PPFIA2: variants seen among roughly 807,000 people sequenced by gnomAD.
PPFIA2 encodes liprin-alpha-2.
Under a neutral mutation model 175.5 loss-of-function variants are expected in PPFIA2, and 46 were observed. The observed-to-expected ratio is 0.26, with a 90% CI of 0.21 to 0.34. PPFIA2 has a LOEUF of 0.34. Among genes scored for constraint, PPFIA2 ranks in the 10% least tolerant of loss-of-function variants. The probability of loss-of-function intolerance (pLI) is 1.00; values close to 1 mark genes in which losing one functional copy is unlikely to be tolerated. For synonymous variants in PPFIA2, 568 were observed against 511.4 expected (o/e 1.11, Z -1.49); for missense variants, 1,179 against 1,506.1 (o/e 0.78, Z 3.60).
intron 17 of PPFIA2, among the ~76,000 whole-genome samples, chr12:81,348,269 A>G (rs962460664): frequency 4.6e-5 from 7 of 152,186 alleles, no homozygotes; most frequent in African/African-American, 7.2e-5. Context: ...AAAAGTTTAA[A>G]TGATAGTATC....
chr12:81,267,079 G>T, intron 29 of PPFIA2, 59 bp from the exon 30 acceptor site: 2 of 1,264,874 alleles, frequency 1.6e-6, no homozygotes, highest in Non-Finnish European at 1.1e-6. Context: ...TAAAAATCAA[G>T]TAGCTTATAT....
At chr12:81,754,398 C>T (rs1045364402) in intron 2 of PPFIA2, among the ~76,000 whole-genome samples, 175 bp from the exon 3 acceptor site, 3 of 152,152 alleles carry the variant, frequency 2.0e-5, no homozygotes, top group Admixed American at 1.3e-4. Context: ...AAATATGATC[C>T]ATTTACTTCC....
At chr12:81,560,059 T>C (rs1594940538) in intron 4 of PPFIA2, among the ~76,000 whole-genome samples, 1 of 152,184 alleles carries the variant, frequency 6.6e-6, no homozygotes, top group Non-Finnish European at 1.5e-5. Flanking sequence ...TCTTTTAAAC[T>C]GAGGTTTGAA....
intron 4 of PPFIA2, among the ~76,000 whole-genome samples, chr12:81,662,206 G>A (rs1192780498): frequency 6.6e-6 from 1 of 152,124 alleles, no homozygotes; most frequent in Non-Finnish European, 1.5e-5. Context: ...GATAAGAGCA[G>A]AACTGAAGGA....
At chr12:81,575,277 G>A (rs748823482) in intron 4 of PPFIA2, among the ~76,000 whole-genome samples, 9 of 151,744 alleles carry the variant, frequency 5.9e-5, no homozygotes, top group African/African-American at 1.2e-4. Flanking sequence ...GAATGTAATC[G>A]TTCCACCAAA....
chr12:81,334,369 T>C lies in PPFIA2; in HGVS notation c.2548+4811A>G, dbSNP rs2140127852. ...CTCGATGCCGATAGCCATGTCTTAG[T>C]CATTTTCCTAAAGTCCATAATTGGT... On this transcript the variant is annotated intron_variant, in intron 21 of 32. Transcript: ENST00000549396. Among the ~76,000 whole-genome samples the C allele has an allele frequency of 2.0e-5, 3 of 152,310 alleles. No individual in the cohort carries two copies. The South Asian group carries it at 6.2e-4, about 32-fold the overall frequency.
At chr12:81,713,672 C>T (rs1001442386) in intron 3 of PPFIA2, among the ~76,000 whole-genome samples, 1 of 151,086 alleles carries the variant, frequency 6.6e-6, no homozygotes, top group Admixed American at 6.8e-5. Context: ...AGTGGTGTCT[C>T]ATAGGCTTGC....
chr12:81,445,435 A>C (rs1159861008), intron 6 of PPFIA2, 121 bp downstream of exon 6: 5 of 871,350 alleles, frequency 5.7e-6, no homozygotes, highest in Admixed American at 2.9e-5. Context: ...TTTTCATATA[A>C]CTCAAAAGTG....
intron 6 of PPFIA2, among the ~76,000 whole-genome samples, chr12:81,443,240 T>G (rs951827652): frequency 3.3e-5 from 5 of 152,038 alleles, no homozygotes; most frequent in Non-Finnish European, 7.4e-5. Context: ...AGGATTATCT[T>G]AATTCAAGAT....
rs2065347111 is a variant in PPFIA2, at chr12:81,642,741, G to GTA, written c.303+34048_303+34049dup. Among the ~76,000 whole-genome samples the GTA allele has an allele frequency of 3.5e-5, 2 of 56,608 alleles. 1 individual carries two copies. The highest frequency in any genetic ancestry group is 1.0e-4 in the African/African-American group (2 of 20,070). The allele number at this position is 56,608 out of a possible 152,430, so 37.1% of individuals were successfully genotyped here. The stretch of plus-strand genomic sequence containing the variant: ...ATTATATACATACATGTATATGTAT[G>GTA]TATGTATTATATACATACATGTATA... On this transcript the variant is annotated intron_variant, in intron 4 of 32. Transcript: ENST00000549396.
chr12:81,363,156 T>C (rs1001618364), intron 14 of PPFIA2, among the ~76,000 whole-genome samples: 3 of 151,568 alleles, frequency 2.0e-5, no homozygotes, highest in Non-Finnish European at 4.4e-5. Flanking sequence ...CATTATTCTA[T>C]GAGGGTTAAA....
chr12:81,382,020 G>A (rs1336435402), intron 9 of PPFIA2, among the ~76,000 whole-genome samples: 2 of 152,062 alleles, frequency 1.3e-5, no homozygotes, highest in Non-Finnish European at 2.9e-5. Flanking sequence ...AGTTGGGGTG[G>A]GAGGCATATG....
intron 7 of PPFIA2, among the ~76,000 whole-genome samples, chr12:81,429,240 G>T (rs1410287710): frequency 6.6e-6 from 1 of 151,978 alleles, no homozygotes; most frequent in African/African-American, 2.4e-5. Context: ...CAGAACTGAG[G>T]AAGAGATAGA....
At chr12:81,557,320 T>G (rs760287902) in intron 4 of PPFIA2, among the ~76,000 whole-genome samples, 2 of 151,944 alleles carry the variant, frequency 1.3e-5, no homozygotes, top group Non-Finnish European at 2.9e-5. Context: ...GACTGAACTC[T>G]GTGGGTGGAG....
chr12:81,579,058 C>A (rs186618175), intron 4 of PPFIA2, among the ~76,000 whole-genome samples: 1 of 151,728 alleles, frequency 6.6e-6, no homozygotes, highest in Non-Finnish European at 1.5e-5. Flanking sequence ...TGAAAAAAAT[C>A]ATGAGACAAG....
chr12:81,415,391 C>G (rs1270898098), intron 7 of PPFIA2, among the ~76,000 whole-genome samples: 1 of 147,924 alleles, frequency 6.8e-6, no homozygotes, highest in Non-Finnish European at 1.5e-5. Flanking sequence ...CTCCCAATTC[C>G]TATACAGATA....
At chr12:81,540,734 T>A (rs1425956769) in intron 4 of PPFIA2, among the ~76,000 whole-genome samples, 1 of 152,050 alleles carries the variant, frequency 6.6e-6, no homozygotes, top group Admixed American at 6.6e-5. Context: ...ATTAAGTATC[T>A]ATACTCAAAT....
intron 4 of PPFIA2, chr12:81,535,548 T>C (rs2065250024): frequency 2.3e-6 from 1 of 443,772 alleles, no homozygotes; most frequent in Non-Finnish European, 4.5e-6. Flanking sequence ...AACACAAAAA[T>C]ACATACATTT....
chr12:81,731,529 G>A (rs573950945), intron 3 of PPFIA2, among the ~76,000 whole-genome samples: 1 of 151,606 alleles, frequency 6.6e-6, no homozygotes, highest in Non-Finnish European at 1.5e-5. Context: ...GAGCCTTACT[G>A]TGCTTATATC....
Sources: allele counts gnomAD v4.1 joint callset (sites outside exome capture counted in the v4.1 genomes callset), GRCh38; gene constraint gnomAD v4.1.1; transcripts MANE v1.5; gene names NCBI Gene and HGNC (gene_info 2026-07-23, HGNC 2026-07-21).